Variants in EVI5 observed in about 807,000 individuals in gnomAD.
EVI5 encodes ecotropic viral integration site 5 protein homolog.
In EVI5, 73 loss-of-function variants were observed where a neutral mutation model predicts 112.0. The ratio of observed to expected loss-of-function variants is 0.65; its 90% CI spans 0.54 to 0.79. EVI5 has a LOEUF of 0.79. Ranked by LOEUF, EVI5 falls within the 30% of genes least tolerant of loss-of-function variation. The pLI is 0.00. For missense variants in EVI5, 900 were observed against 968.8 expected, an observed-to-expected ratio of 0.93 and a Z score of 0.94; for synonymous variants, 305 against 319.9, an observed-to-expected ratio of 0.95 and a Z score of 0.50.
chr1:92,554,696 C>T (rs192610684), intron 19 of EVI5, among the ~76,000 whole-genome samples: 1 of 152,260 alleles, frequency 6.6e-6, no homozygotes, highest in Admixed American at 6.5e-5. Flanking sequence ...TTGCTGGGCA[C>T]AGTAGTTGAT....
In EVI5 at chr1:92,671,571, C is replaced by T. The variant is rs116948049; in HGVS notation, c.1159-5579G>A. Among the ~76,000 whole-genome samples the T allele has an allele frequency of 2.6e-5, 4 of 152,224 alleles. No homozygotes were observed. The East Asian group carries it at 7.7e-4, about 29-fold the overall frequency. ...TATTTAAGAAGCTAACTGGACATCTCCTAGGCATCTCATTCCCAAGATACC... is the reference window on the plus strand; with the variant it reads ...TATTTAAGAAGCTAACTGGACATCTTCTAGGCATCTCATTCCCAAGATACC... On this transcript the variant is annotated intron_variant, in intron 10 of 19. Coordinates refer to ENST00000684568, the MANE Select transcript of EVI5 (RefSeq NM_001350197.2).
At chr1:92,567,757 C>G (rs1232979090) in intron 18 of EVI5, among the ~76,000 whole-genome samples, 1 of 152,166 alleles carries the variant, frequency 6.6e-6, no homozygotes, top group African/African-American at 2.4e-5. Context: ...TTTACACATA[C>G]TAATATCAGA....
intron 18 of EVI5, among the ~76,000 whole-genome samples, chr1:92,588,573 T>C (rs1673180340): frequency 6.6e-6 from 1 of 152,232 alleles, no homozygotes; most frequent in Non-Finnish European, 1.5e-5. Flanking sequence ...CACATTTTTC[T>C]CCGTTGTCTT....
At chr1:92,642,145 G>T (rs1296561223) in intron 13 of EVI5, among the ~76,000 whole-genome samples, 1 of 151,952 alleles carries the variant, frequency 6.6e-6, no homozygotes, top group Non-Finnish European at 1.5e-5. Flanking sequence ...AAAAAAAATT[G>T]TTGAAAAATC....
chr1:92,629,736 T>C (rs1369939518), intron 14 of EVI5, among the ~76,000 whole-genome samples: 1 of 152,116 alleles, frequency 6.6e-6, no homozygotes, highest in Non-Finnish European at 1.5e-5. Context: ...TAAATATACA[T>C]ACATGTGCCA....
chr1:92,783,498 A>AAAAAAAAAAG lies in EVI5; in HGVS notation c.-82+1328_-82+1337dup, dbSNP rs1553277062. The stretch of plus-strand genomic sequence containing the variant: ...GACTCAGCCTTAAAAAAAAAAAAAA[A>AAAAAAAAAAG]AAAAAAAAAGAAAAGAAAAGAAAAG... On this transcript the variant is annotated intron_variant, in intron 1 of 19. Coordinates refer to ENST00000684568, the MANE Select transcript of EVI5 (RefSeq NM_001350197.2). 2.9e-3 allele frequency among the ~76,000 whole-genome samples: 372 copies of AAAAAAAAAAG among 128,790 alleles called. 11 individuals are homozygous for AAAAAAAAAAG. Among genetic ancestry groups the AAAAAAAAAAG allele is most frequent in the Non-Finnish European group, 3.5e-3 (220 of 63,044 alleles). 84.5% of individuals were successfully genotyped at this position (128,790 alleles called of 152,430 possible).
chr1:92,569,598 G>A (rs909838108), intron 18 of EVI5, among the ~76,000 whole-genome samples: 3 of 152,036 alleles, frequency 2.0e-5, no homozygotes, highest in African/African-American at 7.2e-5. Context: ...GCTCATGCCT[G>A]AAATCCCAGC....
chr1:92,763,532 T>C (rs1392671255), intron 1 of EVI5, among the ~76,000 whole-genome samples: 11 of 152,202 alleles, frequency 7.2e-5, no homozygotes. Flanking sequence ...GGAGAATCAC[T>C]GGCACCCTGG....
chr1:92,589,582 C>A lies in EVI5; in HGVS notation c.2070+15725G>T, dbSNP rs923830418. Among the ~76,000 whole-genome samples the A allele has an allele frequency of 5.9e-5, 9 of 152,322 alleles. 1 individual carries two copies. Among genetic ancestry groups the A allele is most frequent in the Admixed American group, 3.9e-4 (6 of 15,304 alleles). On this transcript the variant is annotated intron_variant, in intron 18 of 19. Coordinates refer to ENST00000684568, the MANE Select transcript of EVI5 (RefSeq NM_001350197.2). ...GAGGCTGGGGGAGGGGCGCCTGCCA[C>A]TGCCGAGGCTTGAGTAGGTAAACAA...
upstream of EVI5, chr1:92,785,166 T>A: frequency 2.1e-6 from 2 of 952,094 alleles, no homozygotes; most frequent in South Asian, 9.7e-5. Context: ...GCAGAATGGG[T>A]TGGAGCAGGT....
chr1:92,711,714 C>T (rs1269646789), intron 2 of EVI5, among the ~76,000 whole-genome samples: 2 of 152,182 alleles, frequency 1.3e-5, no homozygotes, highest in Non-Finnish European at 2.9e-5. Flanking sequence ...AAGGTTCAAA[C>T]ATCTCTTTGT....
rs531006328 is a variant in EVI5, at chr1:92,757,218, G to A, written c.-81-20591C>T. ...AAAAATGCTCACGTCCTGGCTAATA[G>A]TTCAAATATTTCAAAAATATTCAAT... On this transcript the variant is annotated intron_variant, in intron 1 of 19. Coordinates refer to ENST00000684568, the MANE Select transcript of EVI5 (RefSeq NM_001350197.2). 6.6e-5 allele frequency among the ~76,000 whole-genome samples: 10 copies of A among 152,298 alleles called. No homozygotes were observed. The East Asian group carries it at 1.7e-3, about 26-fold the overall frequency.
chr1:92,707,941 T>G (rs1032707703), intron 2 of EVI5, among the ~76,000 whole-genome samples: 3 of 152,224 alleles, frequency 2.0e-5, no homozygotes, highest in Middle Eastern at 3.4e-3. Context: ...ACTGCTGACA[T>G]GTGCATCAAC....
intron 13 of EVI5, among the ~76,000 whole-genome samples, chr1:92,660,768 A>G (rs1445133620): frequency 2.0e-5 from 3 of 152,054 alleles, no homozygotes; most frequent in Admixed American, 6.5e-5. Context: ...TAGAAGAGGT[A>G]AAACTATAGT....
chr1:92,669,547 C>CAAAAAAAAA lies in EVI5; in HGVS notation c.1159-3564_1159-3556dup, dbSNP rs56412396. Reference sequence around the variant, plus strand: ...TGGGCAACGGAGCAAGGCTCTGTCTCAAAAAAAAAAAAAATCACTGGGAAA... The same window carrying CAAAAAAAAA: ...TGGGCAACGGAGCAAGGCTCTGTCTCAAAAAAAAAAAAAAAAAAAAAAATCACTGGGAAA... On this transcript the variant is annotated intron_variant, in intron 10 of 19. Coordinates refer to ENST00000684568, the MANE Select transcript of EVI5 (RefSeq NM_001350197.2). Among the ~76,000 whole-genome samples, 20 of 51,820 alleles carry CAAAAAAAAA rather than the reference C, an allele frequency of 3.9e-4. 4 individuals carry two copies. The South Asian group carries it at 0.016, about 40-fold the overall frequency. 34.0% of individuals were successfully genotyped at this position (51,820 alleles called of 152,430 possible).
In EVI5 at chr1:92,677,228, G is replaced by GA. The variant is rs202101807; in HGVS notation, c.1098-11dup. The GA allele has an allele frequency of 2.7e-3, 3,803 of 1,400,308 alleles. 9 individuals carry two copies. Among genetic ancestry groups the GA allele is most frequent in the African/African-American group, 0.011 (713 of 67,200 alleles). 86.7% of individuals were successfully genotyped at this position (1,400,308 alleles called of 1,614,324 possible). A position where few individuals can be genotyped will look rare whatever the true frequency, so the allele number is the denominator to read the frequency against. ...GTATTCCTTTTCAAGCCTAAGAAAG[G>GA]AAAAAAAAAGAGTTAAAGGTAATGT... On this transcript the variant is annotated splice_polypyrimidine_tract_variant and intron_variant, in intron 9 of 19. Transcript: ENST00000684568.
Position 92,601,197 on chromosome 1 carries a change from T to C in EVI5, c.2070+4110A>G, listed in dbSNP as rs187916828. ...CCTACTATAATAACAGTAACAATTC[T>C]ATCACCTCACACCTGTTAGAATGGC... On this transcript the variant is annotated intron_variant, in intron 18 of 19. Transcript: ENST00000684568. 3.9e-3 allele frequency among the ~76,000 whole-genome samples: 596 copies of C among 152,296 alleles called. 12 individuals are homozygous for C. Among genetic ancestry groups the C allele is most frequent in the Admixed American group, 0.035 (540 of 15,298 alleles).
At chr1:92,600,789 C>T (rs1037210641) in intron 18 of EVI5, among the ~76,000 whole-genome samples, 3 of 152,146 alleles carry the variant, frequency 2.0e-5, no homozygotes, top group East Asian at 1.9e-4. Context: ...TCCTGCTGTG[C>T]GGCCCGGTTC....
chr1:92,607,176 G>C (rs1206525389), intron 17 of EVI5, among the ~76,000 whole-genome samples: 1 of 152,036 alleles, frequency 6.6e-6, no homozygotes, highest in Non-Finnish European at 1.5e-5. Context: ...CAGAAAACAT[G>C]TATCAATGTT....
Sources: gnomAD v4.1 joint callset for allele counts (sites outside exome capture counted in the v4.1 genomes callset) on GRCh38, gnomAD v4.1.1 for gene constraint, MANE v1.5 for transcripts, NCBI Gene and HGNC (gene_info 2026-07-23, HGNC 2026-07-21) for gene names.